Variants in PCDHA6 observed in about 807,000 individuals in gnomAD.
The protein encoded by PCDHA6 is protocadherin alpha-6.
A neutral mutation model predicts 60.3 loss-of-function variants in PCDHA6; 55 were observed. The observed-to-expected ratio is 0.91, with a 90% CI of 0.73 to 1.14. The LOEUF is 1.14. PCDHA6 is among the 50% of genes most tolerant of loss of function. PCDHA6 has a pLI of 0.00. For missense variants in PCDHA6, 1,327 were observed against 1,256.5 expected (o/e 1.06, Z -0.85); for synonymous variants, 652 against 557.9 (o/e 1.17, Z -2.38).
chr5:140,917,797 C>T (rs1174581148), intron 1 of PCDHA6, among the ~76,000 whole-genome samples: 2 of 151,940 alleles, frequency 1.3e-5, no homozygotes, highest in African/African-American at 4.8e-5. Flanking sequence ...GTTACTGTAG[C>T]CTTGCAGTAT....
chr5:140,857,483 T>G, intron 1 of PCDHA6: 1 of 1,598,450 alleles, frequency 6.3e-7, no homozygotes. Context: ...GGTGTCTGCG[T>G]GGGACGCGGA....
At chr5:140,978,615 T>C in intron 1 of PCDHA6, among the ~76,000 whole-genome samples, 1 of 152,238 alleles carries the variant, frequency 6.6e-6, no homozygotes, top group East Asian at 1.9e-4. Context: ...GCAAAAGCAG[T>C]GAAAGCTTTT....
rs145919251 is a variant in PCDHA6, at chr5:140,979,502, C to T, written c.2453+495C>T. On this transcript the variant is annotated intron_variant, in intron 2 of 3. Coordinates refer to ENST00000529310, the MANE Select transcript of PCDHA6 (RefSeq NM_018909.4). Reference sequence around the variant, plus strand: ...GTGTTCACACCTATTAGAGCCTCCTCATCTTTCCCATCTGTTGCTATCTTA... The same window carrying T: ...GTGTTCACACCTATTAGAGCCTCCTTATCTTTCCCATCTGTTGCTATCTTA... 1.1e-3 allele frequency among the ~76,000 whole-genome samples: 170 copies of T among 152,258 alleles called. 4 individuals are homozygous for T. In the East Asian group the frequency reaches 0.028, roughly 25 times the overall value.
In PCDHA6 at chr5:140,828,857, G is replaced by C; in HGVS notation, c.766G>C (p.Asp256His). ...EYEVRIFENA[D>H]NGTTVIRLNA... is the part of the protein sequence containing the mutation. ...CGAAGTAAGAATATTCGAAAATGCA[G>C]ACAACGGAACAACAGTTATCAGACT... Residue 256 changes from aspartate (D) to histidine (H), a missense_variant, in exon 1 of 4, where the codon GAC (aspartate) becomes CAC (histidine). Asp to His is a moderately conservative substitution (Grantham distance 81). Transcript: ENST00000529310. 6.2e-7 allele frequency: 1 copy of C among 1,614,232 alleles called. No individual in the cohort carries two copies. The highest frequency in any genetic ancestry group is 1.7e-5 in the Admixed American group (1 of 60,030).
intron 1 of PCDHA6, chr5:140,876,546 T>A (rs782795906): frequency 6.2e-7 from 1 of 1,614,218 alleles, no homozygotes; most frequent in Non-Finnish European, 8.5e-7. Context: ...TGTCGCTCCC[T>A]GTGCAAGAGG....
In PCDHA6 at chr5:140,830,267, C is replaced by G; in HGVS notation, c.2176C>G (p.Pro726Ala). Residue 726 changes from proline (P) to alanine (A), a missense_variant, in exon 1 of 4, where the codon CCA (proline) becomes GCA (alanine). Coordinates refer to ENST00000529310, the MANE Select transcript of PCDHA6 (RefSeq NM_018909.4). Reference sequence around the variant, plus strand: ...GTACACAGCGCTGCGGTGCTCGGCGCCACCCACCGAGGGCGCGTGCACGGC... The same window carrying G: ...GTACACAGCGCTGCGGTGCTCGGCGGCACCCACCGAGGGCGCGTGCACGGC... Reference protein sequence around the residue: ...LLYTALRCSAPPTEGACTADK... With the variant: ...LLYTALRCSAAPTEGACTADK... 1 of 1,613,636 alleles carries G rather than the reference C, an allele frequency of 6.2e-7. No individual in the cohort carries two copies. Among genetic ancestry groups the G allele is most frequent in the Non-Finnish European group, 8.5e-7 (1 of 1,179,690 alleles).
chr5:140,868,950 C>T, intron 1 of PCDHA6: 2 of 1,308,056 alleles, frequency 1.5e-6, no homozygotes, highest in Admixed American at 5.4e-5. Flanking sequence ...AACAGTGAGG[C>T]ACTCCCATAC....
chr5:140,833,217 A>G (rs1276816516), intron 1 of PCDHA6, among the ~76,000 whole-genome samples: 2 of 152,208 alleles, frequency 1.3e-5, no homozygotes, highest in Non-Finnish European at 1.5e-5. Context: ...AGGAATGGAC[A>G]GGTTACACAA....
intron 1 of PCDHA6, among the ~76,000 whole-genome samples, chr5:140,855,450 T>C (rs1304022224): frequency 6.7e-6 from 1 of 149,974 alleles, no homozygotes; most frequent in African/African-American, 2.4e-5. Context: ...TTCGGAGTTA[T>C]AAACACCTCA....
intron 1 of PCDHA6, chr5:140,927,060 CT>C: frequency 1.2e-6 from 2 of 1,611,446 alleles, no homozygotes; most frequent in Non-Finnish European, 1.7e-6. Context: ...GGAACTTTCG[CT>C]TCCTTTCCAG....
At chr5:140,954,119 C>A (rs547590061) in intron 1 of PCDHA6, among the ~76,000 whole-genome samples, 1 of 152,274 alleles carries the variant, frequency 6.6e-6, no homozygotes, top group African/African-American at 2.4e-5. Flanking sequence ...AGATCTTGTT[C>A]CTTTTTATGG....
At chr5:140,952,794 G>T (rs2094798904) in intron 1 of PCDHA6, among the ~76,000 whole-genome samples, 1 of 152,140 alleles carries the variant, frequency 6.6e-6, no homozygotes, top group Admixed American at 6.5e-5. Context: ...GGTTTAACTG[G>T]CTCGCAGTTC....
At chr5:140,906,709 GC>G (rs1228410148) in intron 1 of PCDHA6, among the ~76,000 whole-genome samples, 7 of 152,190 alleles carry the variant, frequency 4.6e-5, no homozygotes, top group African/African-American at 1.4e-4. Context: ...TTGTAGTCCT[GC>G]CTGGATTGTG....
intron 1 of PCDHA6, among the ~76,000 whole-genome samples, chr5:140,837,823 G>A (rs1554136656): frequency 1.3e-5 from 2 of 151,542 alleles, no homozygotes; most frequent in Admixed American, 1.3e-4. Flanking sequence ...AATACAGTTT[G>A]CATGTCATTG....
chr5:141,000,734 T>A (rs1221425075), intron 3 of PCDHA6, among the ~76,000 whole-genome samples: 4 of 150,588 alleles, frequency 2.7e-5, no homozygotes, highest in Non-Finnish European at 4.4e-5. Flanking sequence ...GGCCCCTATC[T>A]CTGTATATTA....
intron 1 of PCDHA6, among the ~76,000 whole-genome samples, chr5:140,888,289 C>T (rs543077496): frequency 1.3e-5 from 2 of 152,246 alleles, no homozygotes; most frequent in Admixed American, 1.3e-4. Flanking sequence ...CCTCTACCCC[C>T]TACCCAGGAG....
intron 1 of PCDHA6, chr5:140,857,132 G>C: frequency 6.3e-7 from 1 of 1,598,262 alleles, no homozygotes; most frequent in Non-Finnish European, 8.6e-7. Flanking sequence ...GAAAGAAGAT[G>C]CTCAAGTGGG....
intron 1 of PCDHA6, among the ~76,000 whole-genome samples, chr5:140,879,556 A>G (rs2058036538): frequency 6.6e-6 from 1 of 152,240 alleles, no homozygotes; most frequent in South Asian, 2.1e-4. Context: ...AAAATAATCC[A>G]TGAAAGAATA....
intron 1 of PCDHA6, among the ~76,000 whole-genome samples, chr5:140,831,626 G>T (rs1771648020): frequency 6.7e-6 from 1 of 149,106 alleles, no homozygotes; most frequent in Non-Finnish European, 1.5e-5. Flanking sequence ...GCCTCCCAAA[G>T]TACTAAGATT....
Sources: allele counts gnomAD v4.1 joint callset (sites outside exome capture counted in the v4.1 genomes callset), GRCh38; gene constraint gnomAD v4.1.1; transcripts MANE v1.5; gene names NCBI Gene and HGNC (gene_info 2026-07-23, HGNC 2026-07-21).